TDP1: variants seen among roughly 807,000 people sequenced by gnomAD.
The protein encoded by TDP1 is tyrosyl-DNA phosphodiesterase 1.
A neutral mutation model predicts 81.5 loss-of-function variants in TDP1; 64 were observed. The observed-to-expected ratio is 0.79, with a 90% confidence interval of 0.64 to 0.97. The LOEUF is 0.97. TDP1 is among the 50% of genes least tolerant of loss of function. TDP1 has a pLI of 0.00. For synonymous variants in TDP1, 256 were observed against 264.3 expected (o/e 0.97, Z 0.30); for missense variants, 723 against 743.8 (o/e 0.97, Z 0.33).
At chr14:89,958,134 G>A (rs562541188) in intron 2 of TDP1, among the ~76,000 whole-genome samples, 5 of 152,334 alleles carry the variant, frequency 3.3e-5, no homozygotes, top group African/African-American at 1.2e-4. Flanking sequence ...GTGTCCAGAC[G>A]AGGGGGATGC....
At chr14:90,002,127 CCTGTT>C (rs1357003943) in intron 14 of TDP1, among the ~76,000 whole-genome samples, 1 of 152,164 alleles carries the variant, frequency 6.6e-6, no homozygotes, top group Non-Finnish European at 1.5e-5. Context: ...TCTTCCCATT[CCTGTT>C]CCCCAGCCAC....
At chr14:89,980,192 T>G in intron 7 of TDP1, 1 of 985,434 alleles carries the variant, frequency 1.0e-6, no homozygotes, top group Non-Finnish European at 1.2e-6. Context: ...GACCATACTT[T>G]GAATCTCAAA....
At chr14:89,970,636 T>A (rs1353663102) in intron 5 of TDP1, 2 of 171,746 alleles carry the variant, frequency 1.2e-5, no homozygotes, top group Non-Finnish European at 2.3e-5. Context: ...TACCCCTCTG[T>A]ATTACAACAG....
At chr14:89,987,619 A>G (rs1435519931) in intron 10 of TDP1, among the ~76,000 whole-genome samples, 1 of 152,080 alleles carries the variant, frequency 6.6e-6, no homozygotes, top group Admixed American at 6.5e-5. Flanking sequence ...ACTAGGTTGT[A>G]AAGATGGCTG....
chr14:90,020,133 A>G (rs1885799397), intron 15 of TDP1, among the ~76,000 whole-genome samples: 1 of 152,148 alleles, frequency 6.6e-6, no homozygotes, highest in South Asian at 2.1e-4. Context: ...GTGTCCAAAC[A>G]CCAGAAGGAG....
chr14:90,013,525 G>C (rs1267874297), intron 14 of TDP1, among the ~76,000 whole-genome samples: 1 of 152,294 alleles, frequency 6.6e-6, no homozygotes, highest in African/African-American at 2.4e-5. Context: ...TGCTATGATC[G>C]TGAGGCCTCC....
At chr14:89,956,185 G>A (rs1350451382) in intron 1 of TDP1, 3 of 152,330 alleles carry the variant, frequency 2.0e-5, no homozygotes, top group Admixed American at 6.5e-5. Flanking sequence ...GCGCCTCAGG[G>A]GGCGCGCACG....
chr14:89,955,021 C>T (rs999369243), upstream of TDP1: 3 of 319,140 alleles, frequency 9.4e-6, no homozygotes, highest in Admixed American at 1.5e-4. Context: ...TTCATTCTCT[C>T]CCTCCATCTT....
Position 90,033,192 on chromosome 14 carries a change from T to C in TDP1, c.1731T>C (p.Pro577=). ...MATFPVPYDL[P]PELYGSKDRP... is the part of the protein sequence containing the mutation. ...CCTTTCCTGTGCCATATGATTTGCCTCCAGAACTGTATGGAAGTAAAGGTG... is the reference window on the plus strand; with the variant it reads ...CCTTTCCTGTGCCATATGATTTGCCCCCAGAACTGTATGGAAGTAAAGGTG... Residue 577 remains proline, a synonymous_variant, in exon 16 of 17, where the codon CCT becomes CCC. Transcript: ENST00000335725. The C allele has an allele frequency of 6.2e-7, 1 of 1,608,342 alleles. No homozygotes were observed. Among genetic ancestry groups the C allele is most frequent in the Middle Eastern group, 1.7e-4 (1 of 6,054 alleles).
At chr14:89,981,075 T>C (rs1170472000) in intron 8 of TDP1, among the ~76,000 whole-genome samples, 2 of 152,226 alleles carry the variant, frequency 1.3e-5, no homozygotes, top group Non-Finnish European at 2.9e-5. Context: ...TCCTTACTCA[T>C]GTACCCACCT....
At chr14:90,040,747 C>T (rs901400790) in intron 16 of TDP1, among the ~76,000 whole-genome samples, 1 of 152,238 alleles carries the variant, frequency 6.6e-6, no homozygotes, top group African/African-American at 2.4e-5. Context: ...AGTATTAATG[C>T]TGATTTCCAG....
chr14:90,032,339 G>C (rs969553773), intron 15 of TDP1, among the ~76,000 whole-genome samples: 2 of 152,070 alleles, frequency 1.3e-5, no homozygotes, highest in Non-Finnish European at 2.9e-5. Flanking sequence ...GATTTGAAGG[G>C]TGGATATGTG....
At chr14:89,994,342 T>C (rs1039127341) in intron 14 of TDP1, among the ~76,000 whole-genome samples, 2 of 152,198 alleles carry the variant, frequency 1.3e-5, no homozygotes, top group Non-Finnish European at 1.5e-5. Flanking sequence ...CCAAAATCCA[T>C]AGGGCAAACC....
At chr14:89,989,174 G>A in intron 11 of TDP1, 84 bp downstream of exon 11, 1 of 1,150,290 alleles carries the variant, frequency 8.7e-7, no homozygotes, top group South Asian at 1.2e-5. Flanking sequence ...TTGTAATGGA[G>A]AGATGTTTTA....
chr14:90,014,919 G>T (rs765104674), intron 14 of TDP1, among the ~76,000 whole-genome samples: 2 of 152,176 alleles, frequency 1.3e-5, no homozygotes, highest in Non-Finnish European at 2.9e-5. Context: ...TTCTTAGGCA[G>T]TTGTTTCCCC....
At chr14:90,042,894 A>T in intron 16 of TDP1, 176 bp from the exon 17 acceptor site, 1 of 985,386 alleles carries the variant, frequency 1.0e-6, no homozygotes, top group Non-Finnish European at 1.2e-6. Flanking sequence ...TAGTGTCCTA[A>T]TAGGAGCCTT....
chr14:90,032,545 C>G (rs33997711), intron 15 of TDP1, among the ~76,000 whole-genome samples: 5,962 of 152,164 alleles, frequency 0.039, 385 homozygotes, highest in African/African-American at 0.13. Context: ...ATAGAACCTC[C>G]ACTTCCACCC....
intron 16 of TDP1, 178 bp downstream of exon 16, chr14:90,033,392 A>T (rs549763402): frequency 2.0e-5 from 14 of 684,666 alleles, no homozygotes; most frequent in Non-Finnish European, 3.2e-5. Flanking sequence ...TAGTCTTGGA[A>T]TCCCTTTGCA....
At chr14:90,016,545 C>T (rs970724063) in intron 14 of TDP1, among the ~76,000 whole-genome samples, 1 of 152,240 alleles carries the variant, frequency 6.6e-6, no homozygotes, top group African/African-American at 2.4e-5. Context: ...GGTTTCCATC[C>T]TCACAGTCTT....
Sources: gnomAD v4.1 joint callset for allele counts (sites outside exome capture counted in the v4.1 genomes callset) on GRCh38, gnomAD v4.1.1 for gene constraint, MANE v1.5 for transcripts, NCBI Gene and HGNC (gene_info 2026-07-23, HGNC 2026-07-21) for gene names.